TMEM132D: variants seen among roughly 807,000 people sequenced by gnomAD.
TMEM132D encodes transmembrane protein 132D, also known as mature OL transmembrane protein.
A neutral mutation model predicts 62.3 loss-of-function variants in TMEM132D; 21 were observed. The observed-to-expected ratio is 0.34, with a 90% CI of 0.24 to 0.49. The LOEUF (loss-of-function observed/expected upper bound fraction) is 0.49. Among genes scored for constraint, TMEM132D ranks in the 20% least tolerant of loss-of-function variants. TMEM132D has a pLI of 0.99. For synonymous variants in TMEM132D, 621 were observed against 575.6 expected (o/e 1.08, Z -1.13); for missense variants, 1,346 against 1,402.8 (o/e 0.96, Z 0.65).
intron 5 of TMEM132D, among the ~76,000 whole-genome samples, chr12:129,108,890 C>T (rs772271107): frequency 9.2e-5 from 14 of 152,300 alleles, no homozygotes; most frequent in Admixed American, 1.3e-4. Flanking sequence ...TTTGCTCTAT[C>T]GCATATCTGT....
At chr12:129,302,203 C>T (rs1039342774) in intron 4 of TMEM132D, among the ~76,000 whole-genome samples, 2 of 152,214 alleles carry the variant, frequency 1.3e-5, no homozygotes, top group Non-Finnish European at 2.9e-5. Flanking sequence ...CAACCTCTGC[C>T]TCCCAGGTTC....
chr12:129,665,549 G>A (rs1293962183), intron 2 of TMEM132D, among the ~76,000 whole-genome samples: 1 of 151,926 alleles, frequency 6.6e-6, no homozygotes, highest in Non-Finnish European at 1.5e-5. Context: ...CATTTGAACA[G>A]TCTACTTAAA....
intron 2 of TMEM132D, among the ~76,000 whole-genome samples, chr12:129,611,364 A>G (rs1258618348): frequency 6.6e-6 from 1 of 152,208 alleles, no homozygotes; most frequent in African/African-American, 2.4e-5. Flanking sequence ...TCATTTGGGA[A>G]GAATTCCCTT....
rs1042919367 is a variant in TMEM132D, at chr12:129,888,772, T to C, written c.79+14489A>G. The stretch of plus-strand genomic sequence containing the variant: ...TGTTAACCACCCGGTACCCACTACC[T>C]TCTCTTTGGTAACAGTGTCCCAACT... On this transcript the variant is annotated intron_variant, in intron 1 of 8. Coordinates refer to ENST00000422113, the MANE Select transcript of TMEM132D (RefSeq NM_133448.3). Among the ~76,000 whole-genome samples the C allele has an allele frequency of 3.6e-4, 55 of 152,298 alleles. 2 individuals are homozygous for C. The highest frequency in any genetic ancestry group is 1.3e-3 in the African/African-American group (55 of 41,564).
intron 4 of TMEM132D, among the ~76,000 whole-genome samples, chr12:129,293,425 G>A (rs1234182664): frequency 6.6e-6 from 1 of 152,138 alleles, no homozygotes; most frequent in Admixed American, 6.5e-5. Flanking sequence ...CTGGCACCAG[G>A]GACCAGTTTT....
chr12:129,416,542 A>C (rs887235599), intron 3 of TMEM132D, among the ~76,000 whole-genome samples: 2 of 152,112 alleles, frequency 1.3e-5, no homozygotes, highest in East Asian at 1.9e-4. Flanking sequence ...AATACGCTTT[A>C]TTTCTTTCTT....
Position 129,666,045 on chromosome 12 carries a change from G to T in TMEM132D, c.968+33765C>A, listed in dbSNP as rs76572811. On this transcript the variant is annotated intron_variant, in intron 2 of 8. Coordinates refer to ENST00000422113, the MANE Select transcript of TMEM132D (RefSeq NM_133448.3). ...GATGGGCTTTGGGTTGCCTCGCAAT[G>T]AAATAAATGCACAGTCGGTAAAAGC... is the stretch of plus-strand genomic sequence containing the variant. Among the ~76,000 whole-genome samples, 1,027 of 152,296 alleles carry T rather than the reference G, an allele frequency of 6.7e-3. 15 individuals carry two copies. Among genetic ancestry groups the T allele is most frequent in the East Asian group, 0.055 (282 of 5,174 alleles).
At chr12:129,898,582 G>C (rs946513494) in intron 1 of TMEM132D, among the ~76,000 whole-genome samples, 8 of 152,220 alleles carry the variant, frequency 5.3e-5, no homozygotes, top group Non-Finnish European at 1.2e-4. Flanking sequence ...GGTAACGCCA[G>C]CCCATCCTTC....
intron 2 of TMEM132D, among the ~76,000 whole-genome samples, chr12:129,547,488 G>A (rs1876769790): frequency 1.3e-5 from 2 of 152,158 alleles, no homozygotes; most frequent in Non-Finnish European, 2.9e-5. Context: ...TAAATCTGCA[G>A]AGAAGGTCAC....
At chr12:129,385,357 C>T (rs1255193351) in intron 3 of TMEM132D, among the ~76,000 whole-genome samples, 3 of 151,970 alleles carry the variant, frequency 2.0e-5, no homozygotes, top group East Asian at 1.9e-4. Context: ...CCGCCCACCT[C>T]GGCCTCCCAA....
At chr12:129,457,030 G>A (rs371236534) in intron 3 of TMEM132D, among the ~76,000 whole-genome samples, 32 of 152,002 alleles carry the variant, frequency 2.1e-4, no homozygotes, top group South Asian at 6.3e-4. Context: ...AAGTCAGTGT[G>A]GCGATTCCTC....
chr12:129,714,874 T>C (rs962693768), intron 1 of TMEM132D, among the ~76,000 whole-genome samples: 2 of 152,128 alleles, frequency 1.3e-5, no homozygotes, highest in Non-Finnish European at 2.9e-5. Context: ...GAAAGCCCAT[T>C]GAGACAAAGT....
chr12:129,558,228 G>A (rs1349420167), intron 2 of TMEM132D, among the ~76,000 whole-genome samples: 1 of 152,184 alleles, frequency 6.6e-6, no homozygotes, highest in Non-Finnish European at 1.5e-5. Flanking sequence ...ACCAAATGAA[G>A]AGACAGCATG....
At chr12:129,397,380 C>G (rs7970846) in intron 3 of TMEM132D, among the ~76,000 whole-genome samples, 1 of 151,994 alleles carries the variant, frequency 6.6e-6, no homozygotes, top group Non-Finnish European at 1.5e-5. Flanking sequence ...GTGGTCTTGA[C>G]GAACAAGAGT....
intron 2 of TMEM132D, among the ~76,000 whole-genome samples, chr12:129,542,490 T>G (rs1876610000): frequency 6.6e-6 from 1 of 152,122 alleles, no homozygotes; most frequent in African/African-American, 2.4e-5. Context: ...CATTGAAAAA[T>G]GGTATAGAAA....
At chr12:129,515,543 T>TGCAGAA (rs960491648) in intron 3 of TMEM132D, among the ~76,000 whole-genome samples, 2 of 152,132 alleles carry the variant, frequency 1.3e-5, no homozygotes, top group African/African-American at 2.4e-5. Flanking sequence ...TTGGGAATAC[T>TGCAGAA]GCAGAAGCAG....
At chr12:129,336,575 GA>G (rs971383863) in intron 4 of TMEM132D, among the ~76,000 whole-genome samples, 8 of 143,914 alleles carry the variant, frequency 5.6e-5, no homozygotes, top group East Asian at 2.0e-4. Flanking sequence ...CCGTCAAAAA[GA>G]AAAAAAAAAG....
intron 4 of TMEM132D, among the ~76,000 whole-genome samples, chr12:129,232,626 G>T (rs1879672881): frequency 6.6e-6 from 1 of 152,064 alleles, no homozygotes; most frequent in African/African-American, 2.4e-5. Flanking sequence ...TTTGCCCCAG[G>T]TCCCCTGCTC....
chr12:129,104,161 C>T (rs1875408370), intron 5 of TMEM132D, among the ~76,000 whole-genome samples: 1 of 150,332 alleles, frequency 6.7e-6, no homozygotes, highest in South Asian at 2.1e-4. Context: ...GCTACAGTAA[C>T]CAAAACAGCA....
Sources: allele counts gnomAD v4.1 joint callset (sites outside exome capture counted in the v4.1 genomes callset), GRCh38; gene constraint gnomAD v4.1.1; transcripts MANE v1.5; gene names NCBI Gene and HGNC (gene_info 2026-07-23, HGNC 2026-07-21).